The following CARS2 variants were observed in gnomAD, a reference collection of about 807,000 sequenced individuals.
CARS2 encodes the protein probable cysteine--tRNA ligase, mitochondrial.
Under a neutral mutation model 68.8 loss-of-function variants are expected in CARS2, and 52 were observed. That is an observed-to-expected ratio of 0.76 (90% CI 0.61 to 0.95). The LOEUF (loss-of-function observed/expected upper bound fraction) is 0.95. Among genes scored for constraint, CARS2 ranks in the 40% least tolerant of loss-of-function variants. CARS2 has a pLI of 0.00. For synonymous variants in CARS2, 314 were observed against 303.6 expected (o/e 1.03, Z -0.36); for missense variants, 780 against 754.2 (o/e 1.03, Z -0.40).
chr13:110,667,656 G>T (rs1051686436), intron 7 of CARS2, among the ~76,000 whole-genome samples, 183 bp from the exon 8 acceptor site: 1 of 152,162 alleles, frequency 6.6e-6, no homozygotes, highest in Non-Finnish European at 1.5e-5. Flanking sequence ...TCACAAGCCC[G>T]TAATTCATGA....
At chr13:110,642,932 T>C in intron 13 of CARS2, 1 of 393,974 alleles carries the variant, frequency 2.5e-6, no homozygotes, top group Non-Finnish European at 4.9e-6. Flanking sequence ...GCAAATGGTC[T>C]GAGATTCACA....
At chr13:110,681,860 T>C (rs985050502) in intron 6 of CARS2, among the ~76,000 whole-genome samples, 2 of 152,108 alleles carry the variant, frequency 1.3e-5, no homozygotes, top group African/African-American at 4.8e-5. Context: ...TATATGACAT[T>C]CTAGAAAAGG....
At chr13:110,664,114 T>C in intron 8 of CARS2, 1 of 985,220 alleles carries the variant, frequency 1.0e-6, no homozygotes, top group Non-Finnish European at 1.2e-6. Context: ...ACCCTGAAAT[T>C]CTCCCTGGCC....
At chr13:110,690,303 C>T (rs1378996902) in intron 3 of CARS2, among the ~76,000 whole-genome samples, 1 of 152,158 alleles carries the variant, frequency 6.6e-6, no homozygotes, top group Non-Finnish European at 1.5e-5. Flanking sequence ...AATTTATTGC[C>T]AGGAGAAGTC....
intron 8 of CARS2, chr13:110,666,625 T>C: frequency 1.0e-6 from 1 of 985,458 alleles, no homozygotes. Flanking sequence ...CTGCACTTAA[T>C]GTCACTTTAC....
At position 110,641,508 on chromosome 13, in the gene CARS2, G is replaced by C. The variant is rs374506225; in HGVS notation, c.*29C>G. 2.6e-5 allele frequency: 41 copies of C among 1,575,752 alleles called. No individual in the cohort carries two copies. In the Middle Eastern group the frequency reaches 5.0e-4, roughly 19 times the overall value. ...CTGAGAAGCATGGGTGCGTCTTGTC[G>C]TGAGCAGGTTCATGGCTGTGCTCCA... On this transcript the variant is annotated 3_prime_UTR_variant, in exon 15 of 15. Coordinates refer to ENST00000257347, the MANE Select transcript of CARS2 (RefSeq NM_024537.4).
intron 9 of CARS2, among the ~76,000 whole-genome samples, chr13:110,657,785 T>C (rs1240139309): frequency 1.3e-5 from 2 of 152,214 alleles, no homozygotes; most frequent in African/African-American, 4.8e-5. Context: ...TCTCAGATGC[T>C]TAATATTCAT....
chr13:110,646,972 T>C (rs1192120321), intron 11 of CARS2, 129 bp downstream of exon 11: 2 of 1,171,694 alleles, frequency 1.7e-6, no homozygotes, highest in African/African-American at 3.1e-5. Context: ...CTCTGGGCAG[T>C]CCCTGACCCC....
Position 110,644,339 on chromosome 13 carries a change from C to T in CARS2, c.1416+46G>A, listed in dbSNP as rs116865600. The T allele has an allele frequency of 1.4e-4, 222 of 1,559,496 alleles. No individual in the cohort carries two copies. The East Asian group carries it at 4.8e-3, about 34-fold the overall frequency. On this transcript the variant is annotated intron_variant, in intron 13 of 14. Coordinates refer to ENST00000257347, the MANE Select transcript of CARS2 (RefSeq NM_024537.4). ...AAAAGGGTAAAGGTTATTGTCCCAA[C>T]ATGGAGAAAATTCCAGAATTAAGCA...
chr13:110,647,619 G>A (rs1406052905), intron 10 of CARS2, among the ~76,000 whole-genome samples: 2 of 106,192 alleles, frequency 1.9e-5, no homozygotes, highest in Non-Finnish European at 3.6e-5. Flanking sequence ...AGGGAGCCCC[G>A]CCCTGGGGTC....
chr13:110,666,159 T>G (rs1252859328), intron 8 of CARS2: 2 of 985,342 alleles, frequency 2.0e-6, no homozygotes, highest in Non-Finnish European at 1.2e-6. Context: ...TGGAAATCAG[T>G]GCTCGGCTCC....
intron 3 of CARS2, among the ~76,000 whole-genome samples, chr13:110,698,589 T>C (rs967410644): frequency 6.6e-6 from 1 of 152,002 alleles, no homozygotes; most frequent in Non-Finnish European, 1.5e-5. Context: ...TGAATGTTTG[T>C]CCCCTCCAAA....
At chr13:110,641,793 G>C (rs1194804614) in intron 14 of CARS2, among the ~76,000 whole-genome samples, 185 bp from the exon 15 acceptor site, 2 of 152,266 alleles carry the variant, frequency 1.3e-5, no homozygotes, top group Non-Finnish European at 2.9e-5. Flanking sequence ...GCACCTGCAG[G>C]AGGTGGCGGG....
chr13:110,682,040 G>A (rs1327216197), intron 6 of CARS2, among the ~76,000 whole-genome samples: 1 of 152,026 alleles, frequency 6.6e-6, no homozygotes, highest in Non-Finnish European at 1.5e-5. Flanking sequence ...ACACAGTGCC[G>A]AGAGTGAACC....
intron 12 of CARS2, 109 bp from the exon 13 acceptor site, chr13:110,644,592 C>G: frequency 2.0e-6 from 3 of 1,519,756 alleles, no homozygotes; most frequent in Non-Finnish European, 2.6e-6. Context: ...TTCAGTCTGG[C>G]CTTTCTCCTG....
chr13:110,666,800 G>A, intron 8 of CARS2: 1 of 985,380 alleles, frequency 1.0e-6, no homozygotes, highest in Non-Finnish European at 1.2e-6. Flanking sequence ...AAGGTAATAA[G>A]ACTAGTTAAT....
intron 5 of CARS2, among the ~76,000 whole-genome samples, chr13:110,684,830 A>G (rs1305112284): frequency 2.6e-5 from 4 of 152,248 alleles, no homozygotes; most frequent in South Asian, 2.1e-4. Flanking sequence ...TATGTTATCA[A>G]TTTGCTGAAG....
At chr13:110,650,672 AGG>A in intron 10 of CARS2, 1 of 224,520 alleles carries the variant, frequency 4.5e-6, no homozygotes, top group Non-Finnish European at 8.8e-6. Context: ...CAGGACAGGC[AGG>A]GTCACGTTTG....
At chr13:110,709,284 G>C (rs2064007359), upstream of CARS2, among the ~76,000 whole-genome samples, 1 of 151,580 alleles carries the variant, frequency 6.6e-6, no homozygotes, top group Admixed American at 6.6e-5. Flanking sequence ...AGTACAGATG[G>C]GGTTTCTCCA....
Sources: gnomAD v4.1 joint callset for allele counts (sites outside exome capture counted in the v4.1 genomes callset) on GRCh38, gnomAD v4.1.1 for gene constraint, MANE v1.5 for transcripts, NCBI Gene and HGNC (gene_info 2026-07-23, HGNC 2026-07-21) for gene names.